PEG3: variants seen among roughly 807,000 people sequenced by gnomAD.
The protein encoded by PEG3 is paternally-expressed gene 3 protein.
PEG3 carries 23 observed loss-of-function variants against 35.5 expected under a neutral mutation model. That is an observed-to-expected ratio of 0.65 (90% CI 0.47 to 0.92). PEG3 has a LOEUF of 0.92. Among genes scored for constraint, PEG3 ranks in the 40% least tolerant of loss-of-function variants. PEG3 has a pLI of 0.00. For missense variants in PEG3, 1,960 were observed against 1,985.3 expected, an observed-to-expected ratio of 0.99 and a Z score of 0.24; for synonymous variants, 707 against 697.0, an observed-to-expected ratio of 1.01 and a Z score of -0.23.
At chr19:56,835,866 T>A (rs957436532) in intron 2 of PEG3, among the ~76,000 whole-genome samples, 152 bp downstream of exon 2, 1 of 152,150 alleles carries the variant, frequency 6.6e-6, no homozygotes, top group East Asian at 1.9e-4. Context: ...GAATACACAA[T>A]CCACCAGAAG....
chr19:56,833,782 T>C (rs1192159620), intron 2 of PEG3: 1 of 152,938 alleles, frequency 6.5e-6, no homozygotes, highest in African/African-American at 2.4e-5. Flanking sequence ...AAGGTACATA[T>C]GGGACATAGG....
Position 56,823,682 on chromosome 19 carries a change from A to G in PEG3, c.395-3T>C. ...GGTCACGTCACTGTTGTTGTCGTCT[A>G]AGAGGACACCGGTCGCCAAGTTACT... On this transcript the variant is annotated splice_region_variant and splice_polypyrimidine_tract_variant and intron_variant, in intron 4 of 9. Transcript: ENST00000326441. The G allele has an allele frequency of 6.2e-7, 1 of 1,614,158 alleles. No individual in the cohort carries two copies. The highest frequency in any genetic ancestry group is 2.2e-5 in the East Asian group (1 of 44,884).
At chr19:56,838,728 C>T (rs1392316884) in intron 1 of PEG3, among the ~76,000 whole-genome samples, 1 of 152,218 alleles carries the variant, frequency 6.6e-6, no homozygotes, top group African/African-American at 2.4e-5. Context: ...CCCCCAGATG[C>T]GGGGACTGAG....
intron 7 of PEG3, among the ~76,000 whole-genome samples, chr19:56,820,539 G>A (rs1018473358): frequency 6.6e-6 from 1 of 152,164 alleles, no homozygotes; most frequent in South Asian, 2.1e-4. Flanking sequence ...CCTTGGTTTG[G>A]TTCCCATCCC....
Position 56,824,508 on chromosome 19 carries a change from G to A in PEG3, c.148C>T (p.Arg50Trp), listed in dbSNP as rs372007366. The A allele has an allele frequency of 9.3e-6, 15 of 1,613,978 alleles. No homozygotes were observed. The highest frequency in any genetic ancestry group is 2.7e-5 in the African/African-American group (2 of 74,902). ...ACAAATTCCACATAGATTAGGTTCC[G>A]AAACCTCTGATGAAAAAACTCAGAG... Reference protein sequence around the residue: ...TDSEFFHQRFRNLIYVEFVGP... With the variant: ...TDSEFFHQRFWNLIYVEFVGP... The change falls in exon 4 of 10, where the codon CGG (arginine) becomes TGG (tryptophan). Residue 50 changes from arginine to tryptophan, a missense_variant. Coordinates refer to ENST00000326441, the MANE Select transcript of PEG3 (RefSeq NM_006210.3).
chr19:56,822,379 A>C (rs1397531179), intron 6 of PEG3: 1 of 200,370 alleles, frequency 5.0e-6, no homozygotes, highest in Non-Finnish European at 1.0e-5. Flanking sequence ...GTCATGGCAG[A>C]CATTCCTAGT....
Position 56,813,569 on chromosome 19 carries a change from T to C in PEG3, c.*106A>G. 1 of 1,466,080 alleles carries C rather than the reference T, an allele frequency of 6.8e-7. No homozygotes were observed. The highest frequency in any genetic ancestry group is 1.4e-5 in the South Asian group (1 of 69,860). 90.8% of individuals were successfully genotyped at this position (1,466,080 alleles called of 1,614,324 possible). On this transcript the variant is annotated 3_prime_UTR_variant, in exon 10 of 10. Coordinates refer to ENST00000326441, the MANE Select transcript of PEG3 (RefSeq NM_006210.3). ...ATGTTAAGTCAGGTGTGTAACACAC[T>C]AAGGTTAAGTCTCCTACTGACATTA...
intron 7 of PEG3, among the ~76,000 whole-genome samples, chr19:56,821,266 T>C (rs149332878): frequency 4.7e-4 from 71 of 152,318 alleles, no homozygotes; most frequent in African/African-American, 1.6e-3. Context: ...CCAGCTCCTG[T>C]CAGCTCCAGA....
chr19:56,831,267 A>G (rs1176563699), intron 2 of PEG3, among the ~76,000 whole-genome samples: 1 of 152,266 alleles, frequency 6.6e-6, no homozygotes, highest in African/African-American at 2.4e-5. Context: ...TCAACTGTGT[A>G]AAAGTCTATA....
At chr19:56,820,648 AG>A (rs2060399628) in intron 7 of PEG3, among the ~76,000 whole-genome samples, 1 of 152,174 alleles carries the variant, frequency 6.6e-6, no homozygotes, top group South Asian at 2.1e-4. Context: ...AATGCCTCCA[AG>A]ACATTTCCCT....
At chr19:56,838,990 GC>G (rs1269981413) in intron 1 of PEG3, among the ~76,000 whole-genome samples, 5 of 151,936 alleles carry the variant, frequency 3.3e-5, no homozygotes, top group Non-Finnish European at 7.4e-5. Context: ...CGCCGCATCT[GC>G]CGCCAACCAA....
rs530311252 is a variant in PEG3, at chr19:56,839,993, C to T, written c.-250+589G>A. ...AAGAAAACCCCTACAGGCAGGACAG[C>T]CCTTCGCCCCTCCCACCACCACTGC... On this transcript the variant is annotated intron_variant, in intron 1 of 9. Transcript: ENST00000326441. 1.8e-3 allele frequency among the ~76,000 whole-genome samples: 267 copies of T among 152,348 alleles called. 2 individuals carry two copies. The highest frequency in any genetic ancestry group is 6.1e-3 in the African/African-American group (253 of 41,594).
chr19:56,839,801 CAT>C (rs2062762679), intron 1 of PEG3, among the ~76,000 whole-genome samples: 1 of 151,926 alleles, frequency 6.6e-6, no homozygotes, highest in South Asian at 2.1e-4. Flanking sequence ...CAGCCACCCT[CAT>C]AAAAGATGGC....
chr19:56,824,503 G>A lies in PEG3; in HGVS notation c.153C>T (p.Asn51=), dbSNP rs1332477520. ...DSEFFHQRFR[N]LIYVEFVGPR... is the part of the protein sequence containing the mutation. ...GCCCAACAAATTCCACATAGATTAGGTTCCGAAACCTCTGATGAAAAAACT... is the reference window on the plus strand; with the variant it reads ...GCCCAACAAATTCCACATAGATTAGATTCCGAAACCTCTGATGAAAAAACT... Residue 51 remains asparagine, a synonymous_variant, in exon 4 of 10, where the codon AAC becomes AAT. Coordinates refer to ENST00000326441, the MANE Select transcript of PEG3 (RefSeq NM_006210.3). The A allele has an allele frequency of 1.2e-6, 2 of 1,613,918 alleles. No homozygotes were observed. Among genetic ancestry groups the A allele is most frequent in the African/African-American group, 2.7e-5 (2 of 74,856 alleles).
At chr19:56,835,926 A>C (rs2062053043) in intron 2 of PEG3, 92 bp downstream of exon 2, 2 of 447,456 alleles carry the variant, frequency 4.5e-6, no homozygotes. Context: ...GGCTATGTGG[A>C]ACACATATGC....
chr19:56,822,960 A>C, intron 5 of PEG3, 124 bp from the exon 6 acceptor site: 2 of 1,282,464 alleles, frequency 1.6e-6, no homozygotes, highest in Non-Finnish European at 2.2e-6. Flanking sequence ...TGGATCCAAA[A>C]CAGAGAGCTC....
rs770432879 is a variant in PEG3, at chr19:56,824,701, A to G, written c.-46T>C. ...CTGGAGGAACCAAACATGAGTCAAC[A>G]GGAAAGACGCGGCAGCCTGTGACCG... On this transcript the variant is annotated 5_prime_UTR_variant, in exon 4 of 10. Transcript: ENST00000326441. 1.9e-5 allele frequency: 30 copies of G among 1,545,918 alleles called. No individual in the cohort carries two copies. The highest frequency in any genetic ancestry group is 2.4e-5 in the Non-Finnish European group (27 of 1,140,186).
At position 56,816,966 on chromosome 19, in the gene PEG3, G is replaced by T; in HGVS notation, c.1476C>A (p.Val492=). ...CAACCTGACTTTTCTGAACTTCACT[G>T]ACAGCCACACTGTGGATAAAGGACT... ...YGESFIHSVA[V]SEVQKSQVGG... Residue 492 remains valine (V), a synonymous_variant, in exon 10 of 10, where the codon GTC becomes GTA. Coordinates refer to ENST00000326441, the MANE Select transcript of PEG3 (RefSeq NM_006210.3). 6.2e-7 allele frequency: 1 copy of T among 1,614,144 alleles called. No individual in the cohort carries two copies.
chr19:56,813,340 A>G lies in PEG3; in HGVS notation c.*335T>C, dbSNP rs1460700224. The G allele has an allele frequency of 1.9e-6, 2 of 1,057,354 alleles. No individual in the cohort carries two copies. The highest frequency in any genetic ancestry group is 1.2e-4 in the East Asian group (2 of 16,446). 65.5% of individuals were successfully genotyped at this position (1,057,354 alleles called of 1,614,324 possible). ...TTTTATATACACCTCATGAAACACT[A>G]TATATACGTTACACAAGTGTCATTT... On this transcript the variant is annotated 3_prime_UTR_variant, in exon 10 of 10. Coordinates refer to ENST00000326441, the MANE Select transcript of PEG3 (RefSeq NM_006210.3).
Sources: allele counts gnomAD v4.1 joint callset (sites outside exome capture counted in the v4.1 genomes callset), GRCh38; gene constraint gnomAD v4.1.1; transcripts MANE v1.5; gene names NCBI Gene and HGNC (gene_info 2026-07-23, HGNC 2026-07-21).